The following HPSE2 variants were observed in gnomAD, a reference collection of about 807,000 sequenced individuals.
HPSE2 encodes inactive heparanase-2.
HPSE2 carries 38 observed loss-of-function variants against 60.5 expected under a neutral mutation model. The ratio of observed to expected loss-of-function variants is 0.63; its 90% CI spans 0.48 to 0.82. The LOEUF is 0.82. Ranked by LOEUF, HPSE2 falls within the 40% of genes least tolerant of loss-of-function variation. The pLI, the probability that HPSE2 is intolerant of heterozygous loss-of-function variation, is 0.00. For synonymous variants in HPSE2, 295 were observed against 293.2 expected (o/e 1.01, Z -0.06); for missense variants, 713 against 740.4 (o/e 0.96, Z 0.43).
intron 5 of HPSE2, among the ~76,000 whole-genome samples, chr10:98,705,863 A>T (rs1948534531): frequency 2.0e-5 from 3 of 152,178 alleles, no homozygotes; most frequent in Non-Finnish European, 4.4e-5. Context: ...ACCATGACAC[A>T]TGTAGACCTA....
At chr10:98,755,036 G>C (rs1256061693) in intron 3 of HPSE2, among the ~76,000 whole-genome samples, 1 of 151,952 alleles carries the variant, frequency 6.6e-6, no homozygotes, top group Non-Finnish European at 1.5e-5. Context: ...TAGTAACCTT[G>C]AATGTAAATC....
intron 5 of HPSE2, among the ~76,000 whole-genome samples, chr10:98,716,911 T>A (rs927549893): frequency 1.3e-5 from 2 of 152,058 alleles, no homozygotes; most frequent in African/African-American, 4.8e-5. Context: ...GTTCCATTTA[T>A]AGAGTACAGG....
chr10:98,989,605 C>A (rs1448939090), intron 3 of HPSE2, among the ~76,000 whole-genome samples: 1 of 151,238 alleles, frequency 6.6e-6, no homozygotes, highest in Non-Finnish European at 1.5e-5. Flanking sequence ...ATGTAACAAA[C>A]CTGCACGGTG....
At chr10:99,077,865 C>T (rs111302375) in intron 3 of HPSE2, among the ~76,000 whole-genome samples, 6 of 152,136 alleles carry the variant, frequency 3.9e-5, no homozygotes, top group African/African-American at 1.4e-4. Context: ...AATGAAATCC[C>T]CACTGTTGGA....
chr10:98,580,824 T>TTATATATATATA lies in HPSE2; in HGVS notation c.1320+34068_1320+34079dup, dbSNP rs779671429. On this transcript the variant is annotated intron_variant, in intron 9 of 11. Coordinates refer to ENST00000370552, the MANE Select transcript of HPSE2 (RefSeq NM_021828.5). ...CTGTTTAGTCAAGTTGTGCTTGGTT[T>TTATATATATATA]TATATATATATATGTGTGTGTGTGT... Among the ~76,000 whole-genome samples, 899 of 128,488 alleles carry TTATATATATATA rather than the reference T, an allele frequency of 7.0e-3. 25 individuals carry two copies. Among genetic ancestry groups the TTATATATATATA allele is most frequent in the African/African-American group, 0.02 (631 of 31,896 alleles). 84.3% of individuals were successfully genotyped at this position (128,488 alleles called of 152,430 possible). A position where few individuals can be genotyped will look rare whatever the true frequency, so the allele number is the denominator to read the frequency against.
chr10:99,131,641 G>A (rs1366359151), intron 3 of HPSE2, among the ~76,000 whole-genome samples: 2 of 152,124 alleles, frequency 1.3e-5, no homozygotes, highest in Non-Finnish European at 2.9e-5. Context: ...GTAACTCAGG[G>A]ATTGGAAAAC....
At chr10:98,993,001 G>A (rs574524076) in intron 3 of HPSE2, among the ~76,000 whole-genome samples, 8 of 152,148 alleles carry the variant, frequency 5.3e-5, no homozygotes, top group Non-Finnish European at 1.0e-4. Flanking sequence ...TAGAAGAATT[G>A]TATTTTCTTG....
intron 3 of HPSE2, among the ~76,000 whole-genome samples, chr10:98,828,983 A>C (rs1023672707): frequency 5.9e-5 from 9 of 152,340 alleles, no homozygotes; most frequent in African/African-American, 2.2e-4. Context: ...GAATTAAAAA[A>C]AAATGGAATA....
chr10:98,567,011 C>A (rs905926529), intron 9 of HPSE2, among the ~76,000 whole-genome samples: 4 of 152,202 alleles, frequency 2.6e-5, no homozygotes, highest in African/African-American at 4.8e-5. Flanking sequence ...TCGTAGATGA[C>A]TTGCTTCTCA....
intron 9 of HPSE2, among the ~76,000 whole-genome samples, chr10:98,543,543 A>G (rs1254112856): frequency 2.0e-5 from 3 of 152,254 alleles, no homozygotes; most frequent in South Asian, 2.1e-4. Flanking sequence ...CAAACTGGAA[A>G]AAGAGTCAAG....
chr10:98,972,856 A>G (rs1335301712), intron 3 of HPSE2, among the ~76,000 whole-genome samples: 1 of 152,132 alleles, frequency 6.6e-6, no homozygotes, highest in Non-Finnish European at 1.5e-5. Flanking sequence ...TCTCACGTTA[A>G]TGTAGTTCTT....
intron 2 of HPSE2, among the ~76,000 whole-genome samples, chr10:99,194,896 C>T (rs974967490): frequency 6.6e-6 from 1 of 151,912 alleles, no homozygotes; most frequent in African/African-American, 2.4e-5. Flanking sequence ...TTCTACAAGG[C>T]CAGGATTATC....
intron 9 of HPSE2, among the ~76,000 whole-genome samples, chr10:98,544,603 C>T (rs1298330269): frequency 4.0e-5 from 6 of 150,108 alleles, no homozygotes; most frequent in East Asian, 2.0e-4. Flanking sequence ...GTCCCAGCTA[C>T]GCGGGAGGCT....
In HPSE2 at chr10:98,620,779, C is replaced by T. The variant is rs745947575; in HGVS notation, c.1099-71G>A. On this transcript the variant is annotated intron_variant, in intron 7 of 11. Coordinates refer to ENST00000370552, the MANE Select transcript of HPSE2 (RefSeq NM_021828.5). ...CTATTCCCACATGAGAAGAAACACA[C>T]ATTCCCTTAAGGAAGTTGATCTGAT... 2.8e-5 allele frequency: 28 copies of T among 1,008,620 alleles called. No individual in the cohort carries two copies. In the Admixed American group the frequency reaches 3.9e-4, roughly 14 times the overall value. The allele number at this position is 1,008,620 out of a possible 1,614,324, so 62.5% of individuals were successfully genotyped here.
intron 3 of HPSE2, among the ~76,000 whole-genome samples, chr10:99,105,649 T>G (rs1439235356): frequency 6.6e-6 from 1 of 152,044 alleles, no homozygotes; most frequent in African/African-American, 2.4e-5. Flanking sequence ...AATTTATCAT[T>G]TTTCTCATGG....
intron 9 of HPSE2, among the ~76,000 whole-genome samples, chr10:98,546,548 T>A (rs1473786241): frequency 6.6e-6 from 1 of 151,880 alleles, no homozygotes; most frequent in Non-Finnish European, 1.5e-5. Context: ...AAAAAAGCAA[T>A]GGGGAAAGGA....
chr10:99,031,712 C>G, intron 3 of HPSE2, among the ~76,000 whole-genome samples: 1 of 152,040 alleles, frequency 6.6e-6, no homozygotes, highest in East Asian at 1.9e-4. Context: ...AGAAAACAAC[C>G]AGTTTTGATA....
At chr10:98,900,835 T>C (rs914325682) in intron 3 of HPSE2, among the ~76,000 whole-genome samples, 1 of 152,148 alleles carries the variant, frequency 6.6e-6, no homozygotes, top group African/African-American at 2.4e-5. Flanking sequence ...ATACAACCCA[T>C]GAATTCCACT....
chr10:99,220,947 C>T (rs930188380), intron 2 of HPSE2, among the ~76,000 whole-genome samples: 3 of 148,620 alleles, frequency 2.0e-5, no homozygotes, highest in African/African-American at 5.0e-5. Flanking sequence ...GAGGTTCAAG[C>T]GATTCTCTCG....
Sources: allele counts gnomAD v4.1 joint callset (sites outside exome capture counted in the v4.1 genomes callset), GRCh38; gene constraint gnomAD v4.1.1; transcripts MANE v1.5; gene names NCBI Gene and HGNC (gene_info 2026-07-23, HGNC 2026-07-21).